MRPS6: variants seen among roughly 807,000 people sequenced by gnomAD.
MRPS6 encodes mitochondrial ribosomal protein S6.
A neutral mutation model predicts 13.1 loss-of-function variants in MRPS6; 6 were observed. That is an observed-to-expected ratio of 0.46 (90% CI 0.25 to 0.91). The LOEUF is 0.91. Among genes scored for constraint, MRPS6 ranks in the 40% least tolerant of loss-of-function variants. The pLI, the probability that MRPS6 is intolerant of heterozygous loss-of-function variation, is 0.18. For synonymous variants in MRPS6, 61 were observed against 56.5 expected (o/e 1.08, Z -0.36); for missense variants, 164 against 155.6 (o/e 1.05, Z -0.29).
Position 34,100,541 on chromosome 21 carries a change from A to C in MRPS6, c.46-24800A>C, listed in dbSNP as rs945972402. 7.0e-6 allele frequency: 7 copies of C among 1,000,116 alleles called. No individual in the cohort carries two copies. In the African/African-American group the frequency reaches 1.0e-4, roughly 15 times the overall value. 62.0% of individuals were successfully genotyped at this position (1,000,116 alleles called of 1,614,324 possible). A position where few individuals can be genotyped will look rare whatever the true frequency, so the allele number is the denominator to read the frequency against. Reference sequence around the variant, plus strand: ...AGGGCTTCCTTTTCACTTGGCTCAAAGGATCCATTGTATTTTGGCACAAAG... The same window carrying C: ...AGGGCTTCCTTTTCACTTGGCTCAACGGATCCATTGTATTTTGGCACAAAG... On this transcript the variant is annotated intron_variant, in intron 1 of 2. Coordinates refer to ENST00000399312, the MANE Select transcript of MRPS6 (RefSeq NM_032476.4).
chr21:34,079,549 TC>T (rs1296794108), intron 1 of MRPS6, among the ~76,000 whole-genome samples: 7 of 151,234 alleles, frequency 4.6e-5, no homozygotes, highest in Admixed American at 4.6e-4. Flanking sequence ...GATTCTCATG[TC>T]TCAGCCTCCC....
chr21:34,110,347 C>T (rs1038670457), intron 1 of MRPS6, among the ~76,000 whole-genome samples: 8 of 151,332 alleles, frequency 5.3e-5, no homozygotes, highest in African/African-American at 1.7e-4. Flanking sequence ...ACCTGTAGTC[C>T]CAGCTACTCA....
intron 1 of MRPS6, among the ~76,000 whole-genome samples, chr21:34,094,179 T>C (rs958423342): frequency 6.6e-6 from 1 of 152,212 alleles, no homozygotes; most frequent in Non-Finnish European, 1.5e-5. Flanking sequence ...TGAGTTGTTT[T>C]GTAAGTTGGA....
At chr21:34,079,852 C>G (rs566608156) in intron 1 of MRPS6, among the ~76,000 whole-genome samples, 1 of 152,122 alleles carries the variant, frequency 6.6e-6, no homozygotes, top group African/African-American at 2.4e-5. Context: ...CTGGGTATCC[C>G]CTTGGCACTG....
chr21:34,128,940 T>C (rs1426568175), intron 2 of MRPS6, among the ~76,000 whole-genome samples: 1 of 152,198 alleles, frequency 6.6e-6, no homozygotes, highest in Non-Finnish European at 1.5e-5. Context: ...GCTGGGTGGC[T>C]CAGAGGCCTG....
intron 1 of MRPS6, among the ~76,000 whole-genome samples, chr21:34,093,019 A>G (rs975289666): frequency 6.6e-6 from 1 of 152,218 alleles, no homozygotes; most frequent in Non-Finnish European, 1.5e-5. Context: ...GTAATTGACA[A>G]GCTTCCCTTA....
chr21:34,116,586 A>G (rs1356448962), intron 1 of MRPS6, among the ~76,000 whole-genome samples: 1 of 121,248 alleles, frequency 8.2e-6, no homozygotes, highest in Non-Finnish European at 1.7e-5. Flanking sequence ...TTAAATTCCT[A>G]GAATGCTGGG....
At chr21:34,114,980 C>G (rs1979845178) in intron 1 of MRPS6, among the ~76,000 whole-genome samples, 1 of 152,064 alleles carries the variant, frequency 6.6e-6, no homozygotes, top group Non-Finnish European at 1.5e-5. Context: ...GTGCAGGGGC[C>G]CCTTGGATGG....
chr21:34,104,699 G>C (rs1036383656), intron 1 of MRPS6: 22 of 1,000,026 alleles, frequency 2.2e-5, no homozygotes, highest in Non-Finnish European at 2.7e-5. Context: ...GGCCTGGGGG[G>C]ATGAGGGGAA....
intron 1 of MRPS6, among the ~76,000 whole-genome samples, chr21:34,082,289 GTATC>G (rs1396630264): frequency 6.6e-6 from 1 of 152,140 alleles, no homozygotes; most frequent in South Asian, 2.1e-4. Flanking sequence ...ATTCTTGAAA[GTATC>G]TATAGTTTCG....
chr21:34,130,607 G>A (rs1980469601), intron 2 of MRPS6, among the ~76,000 whole-genome samples: 1 of 152,188 alleles, frequency 6.6e-6, no homozygotes, highest in Admixed American at 6.5e-5. Flanking sequence ...TGTAGCATGT[G>A]AGTGTCTTAA....
intron 1 of MRPS6, among the ~76,000 whole-genome samples, chr21:34,116,267 C>T (rs945163547): frequency 6.1e-5 from 9 of 148,372 alleles, no homozygotes; most frequent in Non-Finnish European, 1.2e-4. Context: ...AGGCTGGTCT[C>T]GAACTCCTGG....
intron 1 of MRPS6, 167 bp from the exon 2 acceptor site, chr21:34,125,174 C>G: frequency 9.7e-7 from 1 of 1,031,494 alleles, no homozygotes; most frequent in Non-Finnish European, 1.3e-6. Context: ...AATAAATTCT[C>G]TCTCTCTTTT....
chr21:34,074,006 C>T (rs1362967387), intron 1 of MRPS6, among the ~76,000 whole-genome samples: 1 of 146,204 alleles, frequency 6.8e-6, no homozygotes, highest in African/African-American at 2.5e-5. Context: ...AAGCGGCCCG[C>T]CGGGCGGGGG....
intron 1 of MRPS6, 71 bp downstream of exon 1, chr21:34,073,816 G>C (rs565837251): frequency 8.2e-7 from 1 of 1,213,416 alleles, no homozygotes. Context: ...GCCGTCCCCC[G>C]CGCGCCCTGG....
At chr21:34,127,847 G>A (rs146461038) in intron 2 of MRPS6, among the ~76,000 whole-genome samples, 3 of 152,330 alleles carry the variant, frequency 2.0e-5, no homozygotes, top group East Asian at 3.9e-4. Flanking sequence ...TTGCTTTTCT[G>A]AAGTGGTTGA....
chr21:34,101,786 G>GT, intron 1 of MRPS6: 1 of 996,128 alleles, frequency 1.0e-6, no homozygotes, highest in Non-Finnish European at 1.2e-6. Context: ...AGCTTAAAAT[G>GT]TTAATTCTCA....
At chr21:34,102,556 CT>C (rs757416059) in intron 1 of MRPS6, 9 of 999,940 alleles carry the variant, frequency 9.0e-6, no homozygotes, top group Non-Finnish European at 1.1e-5. Flanking sequence ...GTGCACTTTA[CT>C]TTTTGGGCAG....
chr21:34,106,180 T>C (rs1319549003), intron 1 of MRPS6: 1 of 986,490 alleles, frequency 1.0e-6, no homozygotes, highest in Admixed American at 6.2e-5. Context: ...TGTGGTATTT[T>C]GTCCTGTAAC....
Sources: gnomAD v4.1 joint callset for allele counts (sites outside exome capture counted in the v4.1 genomes callset) on GRCh38, gnomAD v4.1.1 for gene constraint, MANE v1.5 for transcripts, NCBI Gene and HGNC (gene_info 2026-07-23, HGNC 2026-07-21) for gene names.